ZNF653: variants seen among roughly 807,000 people sequenced by gnomAD.
ZNF653 encodes the protein 67 kDa zinc finger protein.
Under a neutral mutation model 59.9 loss-of-function variants are expected in ZNF653, and 37 were observed. The ratio of observed to expected loss-of-function variants is 0.62; its 90% CI spans 0.48 to 0.81. ZNF653 has a LOEUF of 0.81. Ranked by LOEUF, ZNF653 falls within the 40% of genes least tolerant of loss-of-function variation. ZNF653 has a pLI of 0.00. For missense variants in ZNF653, 808 were observed against 881.1 expected (o/e 0.92, Z 1.05); for synonymous variants, 435 against 371.8 (o/e 1.17, Z -1.96).
chr19:11,495,275 A>C lies in ZNF653; in HGVS notation c.559+675T>G, dbSNP rs1971574258. 6.6e-6 allele frequency among the ~76,000 whole-genome samples: 1 copy of C among 152,080 alleles called. No homozygotes were observed. The highest frequency in any genetic ancestry group is 1.5e-5 in the Non-Finnish European group (1 of 67,996). ...TGAGTCCCTGCCCCGTGGGATGGGA[A>C]GGAGAGAGGCAGGGACCGCGAAGGT... On this transcript the variant is annotated intron_variant, in intron 3 of 8. Transcript: ENST00000293771. The surrounding 1 kb of genome is among the most constrained non-coding windows in gnomAD (Gnocchi z 4.9).
Position 11,485,783 on chromosome 19 carries a change from C to T in ZNF653, c.1456-13G>A. Reference sequence around the variant, plus strand: ...GATTGACGTGGTTCTGGAGACGAGACAGGCAGAAGTGGGTCCCATAGGCCC... The same window carrying T: ...GATTGACGTGGTTCTGGAGACGAGATAGGCAGAAGTGGGTCCCATAGGCCC... On this transcript the variant is annotated splice_polypyrimidine_tract_variant and intron_variant, in intron 6 of 8. Coordinates refer to ENST00000293771, the MANE Select transcript of ZNF653 (RefSeq NM_138783.4). The T allele has an allele frequency of 6.2e-7, 1 of 1,608,354 alleles. No homozygotes were observed. Among genetic ancestry groups the T allele is most frequent in the South Asian group, 1.1e-5 (1 of 90,972 alleles).
intron 2 of ZNF653, among the ~76,000 whole-genome samples, chr19:11,497,479 G>A (rs1971600728): frequency 6.6e-6 from 1 of 152,220 alleles, no homozygotes; most frequent in Non-Finnish European, 1.5e-5. Context: ...TCTAGGCTGG[G>A]GAGAATAAGG....
chr19:11,495,843 A>G lies in ZNF653; in HGVS notation c.559+107T>C. 1 of 1,209,360 alleles carries G rather than the reference A, an allele frequency of 8.3e-7. No homozygotes were observed. Among genetic ancestry groups the G allele is most frequent in the Admixed American group, 2.1e-5 (1 of 46,710 alleles). The allele number at this position is 1,209,360 out of a possible 1,614,324, so 74.9% of individuals were successfully genotyped here. On this transcript the variant is annotated intron_variant, in intron 3 of 8. Transcript: ENST00000293771. This position sits in a 1 kb window ranked among gnomAD's most constrained non-coding sequence, Gnocchi z 4.9. ...TGCTCTGCCCCAGTGCCAGAGCCAG[A>G]GCCAGAGCCACTGTGGCTGCTATTC...
At chr19:11,505,002 T>A (rs1027305165) in intron 1 of ZNF653, 2 of 154,694 alleles carry the variant, frequency 1.3e-5, no homozygotes, top group Non-Finnish European at 2.9e-5. Context: ...CCCGGATGTG[T>A]TGGATCTAGG....
In ZNF653 at chr19:11,486,828, T is replaced by C; in HGVS notation, c.1396A>G (p.Met466Val). ...CAGCCCTCGTATGGGCAGTGGAACA[T>C]CTCGAGCAGGCCGTCAGCATCCATC... The part of the protein sequence containing the change: ...RVMDADGLLE[M>V]FHCPYEGCSQ... The change falls in exon 6 of 9, where the codon ATG becomes GTG. Residue 466 changes from methionine to valine, a missense_variant. Met to Val is a conservative substitution (Grantham distance 21). Transcript: ENST00000293771. 1.2e-6 allele frequency: 2 copies of C among 1,612,216 alleles called. No individual in the cohort carries two copies. Among genetic ancestry groups the C allele is most frequent in the South Asian group, 2.2e-5 (2 of 90,762 alleles).
Position 11,487,002 on chromosome 19 carries a change from G to A in ZNF653, c.1328C>T (p.Pro443Leu). Reference protein sequence around the residue: ...SDMSAIIYEIPKEPEKRRRSK... With the variant: ...SDMSAIIYEILKEPEKRRRSK... The stretch of plus-strand genomic sequence containing the variant: ...CGGCACCCACTTCTCAGGCTCCTTG[G>A]GGATTTCATAGATGATGGCTGACAT... Residue 443 changes from proline (P) to leucine (L), a missense_variant, in exon 5 of 9, where the codon CCC becomes CTC. Coordinates refer to ENST00000293771, the MANE Select transcript of ZNF653 (RefSeq NM_138783.4). The surrounding 1 kb of genome is among the most constrained non-coding windows in gnomAD (Gnocchi z 5.1). 6.2e-7 allele frequency: 1 copy of A among 1,614,020 alleles called. No homozygotes were observed. Among genetic ancestry groups the A allele is most frequent in the Non-Finnish European group, 8.5e-7 (1 of 1,179,958 alleles).
chr19:11,504,016 G>C (rs898262872), intron 1 of ZNF653, among the ~76,000 whole-genome samples: 2 of 152,106 alleles, frequency 1.3e-5, no homozygotes, highest in South Asian at 4.1e-4. Context: ...GAGGTAAGAG[G>C]ATCACTTGAA....
intron 3 of ZNF653, among the ~76,000 whole-genome samples, chr19:11,489,861 A>G (rs1171436289): frequency 6.6e-6 from 1 of 152,196 alleles, no homozygotes; most frequent in Non-Finnish European, 1.5e-5. Flanking sequence ...TGGTTCTTGC[A>G]GGCCTGGAAG....
intron 3 of ZNF653, among the ~76,000 whole-genome samples, chr19:11,492,803 C>T (rs1178027024): frequency 6.6e-6 from 1 of 151,894 alleles, no homozygotes; most frequent in African/African-American, 2.4e-5. Context: ...TCAATCTCTG[C>T]TCCCTAGTCT....
At chr19:11,491,032 C>T (rs963256378) in intron 3 of ZNF653, among the ~76,000 whole-genome samples, 9 of 152,320 alleles carry the variant, frequency 5.9e-5, no homozygotes, top group South Asian at 4.1e-4. Flanking sequence ...TACATCCACC[C>T]GCAGCCTGAA....
Position 11,486,793 on chromosome 19 carries a change from G to T in ZNF653, c.1431C>A (p.Val477=), listed in dbSNP as rs377464310. ...CCTGGAAGCTGCTGAGGGCCACGTA[G>T]ACTTGGCTGCAGCCCTCGTATGGGC... ...FHCPYEGCSQ[V]YVALSSFQNH... The change falls in exon 6 of 9, where the codon GTC becomes GTA. Residue 477 remains valine, a synonymous_variant. Transcript: ENST00000293771. 4.1e-5 allele frequency: 66 copies of T among 1,610,110 alleles called. No individual in the cohort carries two copies. The highest frequency in any genetic ancestry group is 5.4e-5 in the Non-Finnish European group (64 of 1,178,452).
intron 1 of ZNF653, among the ~76,000 whole-genome samples, chr19:11,502,997 G>A (rs1325587458): frequency 6.6e-6 from 1 of 151,226 alleles, no homozygotes; most frequent in East Asian, 1.9e-4. Flanking sequence ...CTGCGCCAAT[G>A]TACTCCAGCC....
Position 11,487,344 on chromosome 19 carries a change from G to C in ZNF653, c.1119C>G (p.Ser373Arg), listed in dbSNP as rs931189195. Residue 373 changes from serine (S) to arginine (R), a missense_variant, in exon 4 of 9, where the codon AGC becomes AGG. Physicochemically the swap from Ser to Arg is moderately radical, Grantham distance 110. Transcript: ENST00000293771. The surrounding 1 kb of genome is among the most constrained non-coding windows in gnomAD (Gnocchi z 5.1). The stretch of plus-strand genomic sequence containing the variant: ...CGGTGGCGTCCATGGTGCTAGGCTG[G>C]CTACCCTCGGGCTCTGTCTGGGTGT... ...AAYTQTEPEG[S>R]QPSTMDATAV... is the part of the protein sequence containing the mutation. 7 of 1,613,450 alleles carry C rather than the reference G, an allele frequency of 4.3e-6. No homozygotes were observed. The African/African-American group carries it at 9.3e-5, about 22-fold the overall frequency.
chr19:11,505,599 C>T lies in ZNF653; in HGVS notation c.188G>A (p.Gly63Asp). The T allele has an allele frequency of 1.3e-6, 2 of 1,507,196 alleles. No individual in the cohort carries two copies. Among genetic ancestry groups the T allele is most frequent in the Non-Finnish European group, 1.8e-6 (2 of 1,135,410 alleles). The allele number at this position is 1,507,196 out of a possible 1,614,324, so 93.4% of individuals were successfully genotyped here. A position where few individuals can be genotyped will look rare whatever the true frequency, so the allele number is the denominator to read the frequency against. ...GTCCACCCAGGGCCCGTGCGCCTCG[C>T]CCAGGTACACGCGCCGCACGTCGTA... ...KKYDVRRVYLGEAHGPWVDLR... is the reference protein window; with the variant it reads ...KKYDVRRVYLDEAHGPWVDLR... Residue 63 changes from glycine to aspartate, a missense_variant, in exon 1 of 9, where the codon GGC (glycine) becomes GAC (aspartate). Physicochemically the swap from Gly to Asp is moderately conservative, Grantham distance 94. Coordinates refer to ENST00000293771, the MANE Select transcript of ZNF653 (RefSeq NM_138783.4).
rs117612878 is a variant in ZNF653 at position 11,491,205 on chromosome 19, C to G, written c.560-3302G>C. Among the ~76,000 whole-genome samples the G allele has an allele frequency of 4.0e-4, 61 of 152,288 alleles. No homozygotes were observed. In the East Asian group the frequency reaches 0.011, roughly 27 times the overall value. ...TCACTAAATCCCTCTCTTCCTGGCA[C>G]CAGCACCGACTACATTTCCCAGCAT... is the stretch of plus-strand genomic sequence containing the variant. On this transcript the variant is annotated intron_variant, in intron 3 of 8. Transcript: ENST00000293771.
intron 3 of ZNF653, among the ~76,000 whole-genome samples, chr19:11,491,986 A>G (rs1971534697): frequency 6.6e-6 from 1 of 152,080 alleles, no homozygotes; most frequent in African/African-American, 2.4e-5. Flanking sequence ...TTCTGTCTCA[A>G]ATAGTTCCTT....
intron 1 of ZNF653, among the ~76,000 whole-genome samples, chr19:11,503,703 G>A (rs1971670806): frequency 6.6e-6 from 1 of 152,092 alleles, no homozygotes; most frequent in African/African-American, 2.4e-5. Context: ...CTACTTGGGA[G>A]ACTGAGGCAG....
chr19:11,489,356 C>T (rs1346800695), intron 3 of ZNF653, among the ~76,000 whole-genome samples: 2 of 152,186 alleles, frequency 1.3e-5, no homozygotes, highest in African/African-American at 4.8e-5. Context: ...CATGCAACCA[C>T]ACCTGGCTAA....
At chr19:11,490,115 C>T (rs1971515168) in intron 3 of ZNF653, among the ~76,000 whole-genome samples, 1 of 152,206 alleles carries the variant, frequency 6.6e-6, no homozygotes, top group South Asian at 2.1e-4. Flanking sequence ...CCAATGGGCT[C>T]TAAATGGGGG....
Sources: gnomAD v4.1 joint callset for allele counts (sites outside exome capture counted in the v4.1 genomes callset) on GRCh38, gnomAD v4.1.1 for gene constraint, Gnocchi (gnomAD v3.1) non-coding constraint, MANE v1.5 for transcripts, NCBI Gene and HGNC (gene_info 2026-07-23, HGNC 2026-07-21) for gene names.